The following XKR9 variants were observed in gnomAD, a reference collection of about 807,000 sequenced individuals.
XKR9 encodes the protein XK-related protein 9.
A neutral mutation model predicts 32.0 loss-of-function variants in XKR9; 32 were observed. That is an observed-to-expected ratio of 1.00 (90% CI 0.76 to 1.34). The LOEUF (loss-of-function observed/expected upper bound fraction) is 1.34, where lower values mean the gene tolerates loss of function less well. Ranked by LOEUF, XKR9 falls within the 40% of genes most tolerant of loss-of-function variation. The pLI, the probability that XKR9 is intolerant of heterozygous loss-of-function variation, is 0.00. For missense variants in XKR9, 546 were observed against 429.7 expected (o/e 1.27, Z -2.39); for synonymous variants, 168 against 143.4 (o/e 1.17, Z -1.22).
At chr8:71,021,753 G>A in the XKR9 span, among the ~76,000 whole-genome samples, 1 of 151,916 alleles carries the variant, frequency 6.6e-6, no homozygotes, top group Non-Finnish European at 1.5e-5. Context: ...CGCCCGTCTC[G>A]GCCTCCCAAA....
At chr8:70,774,982 T>C (rs924922969) in intron 2 of XKR9, among the ~76,000 whole-genome samples, 1 of 151,920 alleles carries the variant, frequency 6.6e-6, no homozygotes, top group Non-Finnish European at 1.5e-5. Flanking sequence ...AGTTTCCCAA[T>C]ATCTTTCATC....
At chr8:70,896,443 C>T in the XKR9 span, among the ~76,000 whole-genome samples, 1 of 151,588 alleles carries the variant, frequency 6.6e-6, no homozygotes, top group Non-Finnish European at 1.5e-5. Flanking sequence ...GACACTGGTC[C>T]ATTTGACATA....
chr8:70,672,296 A>T lies in XKR9; in HGVS notation c.-360-2522A>T. On this transcript the variant is annotated intron_variant, in intron 1 of 4. Transcript: ENST00000408926. The stretch of plus-strand genomic sequence containing the variant: ...AAGCCAAAAGAACAAAGCTGGAGGC[A>T]TCACACTACCTGACTTCAAACTATA... 2.6e-5 allele frequency among the ~76,000 whole-genome samples: 2 copies of T among 75,666 alleles called. 1 individual carries two copies. The highest frequency in any genetic ancestry group is 6.1e-4 in the South Asian group (2 of 3,268). 49.6% of individuals were successfully genotyped at this position (75,666 alleles called of 152,430 possible).
the XKR9 span, among the ~76,000 whole-genome samples, chr8:71,060,308 A>G: frequency 6.6e-6 from 1 of 152,220 alleles, no homozygotes; most frequent in Non-Finnish European, 1.5e-5. Flanking sequence ...ACTATCTGAC[A>G]GAAGTCCTTG....
intron 2 of XKR9, among the ~76,000 whole-genome samples, chr8:70,740,951 C>T (rs1044585810): frequency 1.3e-5 from 2 of 152,242 alleles, no homozygotes; most frequent in African/African-American, 4.8e-5. Context: ...TCTGCCCGTT[C>T]TGAGATCTCC....
At chr8:70,998,129 A>G in the XKR9 span, among the ~76,000 whole-genome samples, 1 of 152,252 alleles carries the variant, frequency 6.6e-6, no homozygotes, top group Non-Finnish European at 1.5e-5. Flanking sequence ...GCTATGCTCT[A>G]GACTTCAGAC....
the XKR9 span, among the ~76,000 whole-genome samples, chr8:71,018,029 T>C: frequency 6.6e-6 from 1 of 152,182 alleles, no homozygotes; most frequent in Admixed American, 6.5e-5. Flanking sequence ...GAGATAGTAA[T>C]AGGTTTTTTT....
the XKR9 span, among the ~76,000 whole-genome samples, chr8:71,041,758 G>GTC: frequency 3.9e-5 from 6 of 151,928 alleles, no homozygotes; most frequent in Non-Finnish European, 7.4e-5. Context: ...CTCTCTCTCT[G>GTC]TCTCTCTCTC....
chr8:70,922,542 C>G, the XKR9 span, among the ~76,000 whole-genome samples: 3 of 152,070 alleles, frequency 2.0e-5, no homozygotes, highest in Non-Finnish European at 2.9e-5. Context: ...AAGTATTTTC[C>G]CAGTGATTAT....
At chr8:71,056,066 C>T in the XKR9 span, among the ~76,000 whole-genome samples, 1 of 152,206 alleles carries the variant, frequency 6.6e-6, no homozygotes, top group South Asian at 2.1e-4. Context: ...TTTTGAGACT[C>T]ACTTTGTCAG....
At chr8:70,905,659 T>C in the XKR9 span, among the ~76,000 whole-genome samples, 1 of 152,226 alleles carries the variant, frequency 6.6e-6, no homozygotes. Context: ...AGCTTTGTTC[T>C]GCTGCTGGCA....
At chr8:70,810,504 TAA>T in the XKR9 span, among the ~76,000 whole-genome samples, 2 of 152,114 alleles carry the variant, frequency 1.3e-5, no homozygotes, top group African/African-American at 4.8e-5. Context: ...GCAAATTGGA[TAA>T]AGAGTCAAGA....
intron 2 of XKR9, among the ~76,000 whole-genome samples, chr8:70,780,756 T>G (rs1263175417): frequency 3.3e-5 from 5 of 152,158 alleles, no homozygotes; most frequent in African/African-American, 1.2e-4. Flanking sequence ...ATATACTTGG[T>G]GGTATTAGAA....
chr8:71,038,608 G>A, the XKR9 span, among the ~76,000 whole-genome samples: 18 of 151,636 alleles, frequency 1.2e-4, no homozygotes, highest in East Asian at 3.3e-3. Context: ...GTGAGCCACC[G>A]CGCCTGGCCA....
chr8:70,722,785 C>G (rs965909817), intron 4 of XKR9, among the ~76,000 whole-genome samples: 2 of 151,912 alleles, frequency 1.3e-5, no homozygotes, highest in African/African-American at 4.8e-5. Context: ...TGTGGTTGCT[C>G]TTCTTGAGGA....
chr8:70,740,320 A>G (rs1806948453), downstream of XKR9, among the ~76,000 whole-genome samples: 1 of 151,924 alleles, frequency 6.6e-6, no homozygotes, highest in Non-Finnish European at 1.5e-5. Flanking sequence ...CAGCTCCATC[A>G]GCTCCTTTAA....
chr8:71,005,553 T>G, the XKR9 span, among the ~76,000 whole-genome samples: 1 of 152,172 alleles, frequency 6.6e-6, no homozygotes, highest in African/African-American at 2.4e-5. Context: ...GCAAAAGAAC[T>G]GAGCCAGATT....
intron 2 of XKR9, among the ~76,000 whole-genome samples, chr8:70,780,625 A>T (rs1807602094): frequency 6.6e-6 from 1 of 152,146 alleles, no homozygotes; most frequent in Non-Finnish European, 1.5e-5. Flanking sequence ...CCTTCAGAGG[A>T]AGCATGACTG....
At chr8:70,878,425 A>G in the XKR9 span, among the ~76,000 whole-genome samples, 2 of 152,186 alleles carry the variant, frequency 1.3e-5, no homozygotes, top group Non-Finnish European at 2.9e-5. Flanking sequence ...ACGTGCAAAG[A>G]TGCACATAGG....
Sources: gnomAD v4.1 joint callset for allele counts (sites outside exome capture counted in the v4.1 genomes callset) on GRCh38, gnomAD v4.1.1 for gene constraint, MANE v1.5 for transcripts, NCBI Gene and HGNC (gene_info 2026-07-23, HGNC 2026-07-21) for gene names.